ARFGEF1: variants seen among roughly 807,000 people sequenced by gnomAD.
ARFGEF1 encodes brefeldin A-inhibited guanine nucleotide-exchange protein 1.
In ARFGEF1, 42 loss-of-function variants were observed where a neutral mutation model predicts 231.0. The observed-to-expected ratio is 0.18, with a 90% CI of 0.14 to 0.24. The LOEUF is 0.24. ARFGEF1 is among the 10% of genes least tolerant of loss of function. The probability of loss-of-function intolerance (pLI) is 1.00; values close to 1 mark genes in which losing one functional copy is unlikely to be tolerated. For synonymous variants in ARFGEF1, 710 were observed against 732.3 expected, an observed-to-expected ratio of 0.97 and a Z score of 0.49; for missense variants, 1,345 against 2,192.0, an observed-to-expected ratio of 0.61 and a Z score of 7.72.
chr8:67,195,612 C>T (rs1563817842), downstream of ARFGEF1: 3 of 1,601,672 alleles, frequency 1.9e-6, no homozygotes, highest in South Asian at 2.2e-5. Context: ...TGTACTGGAC[C>T]CAGTAGTGCC....
At chr8:67,260,033 T>G in intron 14 of ARFGEF1, 107 bp from the exon 15 acceptor site, 1 of 629,656 alleles carries the variant, frequency 1.6e-6, no homozygotes, top group Non-Finnish European at 2.8e-6. Flanking sequence ...AATAGTAGCT[T>G]ATTTAATACA....
chr8:67,285,898 T>TG (rs1451953357), intron 7 of ARFGEF1, among the ~76,000 whole-genome samples: 2 of 151,998 alleles, frequency 1.3e-5, no homozygotes, highest in African/African-American at 4.8e-5. Flanking sequence ...TCATGAAAGT[T>TG]GGGGGGAAAA....
intron 1 of ARFGEF1, among the ~76,000 whole-genome samples, chr8:67,333,967 T>A (rs1201782325): frequency 1.3e-5 from 2 of 151,554 alleles, no homozygotes; most frequent in Non-Finnish European, 2.9e-5. Context: ...CAAAACCCCA[T>A]CTCTACTAAA....
chr8:67,185,083 C>T (rs1404295267), intron 5 of ARFGEF1, among the ~76,000 whole-genome samples: 42 of 148,398 alleles, frequency 2.8e-4, no homozygotes, highest in East Asian at 3.9e-4. Flanking sequence ...CCAGCCTGGG[C>T]GACAGAGCAA....
chr8:67,302,905 T>TAAAAAAAAAA (rs1563902346), intron 1 of ARFGEF1, among the ~76,000 whole-genome samples: 18 of 100,250 alleles, frequency 1.8e-4, no homozygotes, highest in African/African-American at 6.2e-4. Flanking sequence ...ACCCCATCTC[T>TAAAAAAAAAA]TAAAAAAAAA....
Position 67,177,885 on chromosome 8 carries a change from A to AAT in ARFGEF1, c.561-2315_561-2314dup, listed in dbSNP as rs555319742. Among the ~76,000 whole-genome samples, 200 of 152,296 alleles carry AAT rather than the reference A, an allele frequency of 1.3e-3. 1 individual carries two copies. The highest frequency in any genetic ancestry group is 6.8e-3 in the Middle Eastern group (2 of 294). Reference sequence around the variant, plus strand: ...TGGATAGCTTGAGAAGTGTTAGTGTAATATATATAGAAAACATATTGTAAT... The same window carrying AAT: ...TGGATAGCTTGAGAAGTGTTAGTGTAATATATATATAGAAAACATATTGTAAT... On this transcript the variant is annotated intron_variant, in intron 5 of 5. Transcript: ENST00000518789.
At chr8:67,208,137 G>A (rs767957772) in intron 34 of ARFGEF1, among the ~76,000 whole-genome samples, 1 of 152,070 alleles carries the variant, frequency 6.6e-6, no homozygotes, top group Non-Finnish European at 1.5e-5. Context: ...TCTGTTCTTT[G>A]GAGAACAGAA....
chr8:67,284,231 A>T (rs1190330511), intron 7 of ARFGEF1, among the ~76,000 whole-genome samples: 3 of 152,194 alleles, frequency 2.0e-5, no homozygotes, highest in East Asian at 3.8e-4. Flanking sequence ...ACACACATAC[A>T]TGCAGTACTC....
intron 22 of ARFGEF1, among the ~76,000 whole-genome samples, chr8:67,235,648 C>T (rs1177396021): frequency 6.6e-6 from 1 of 151,850 alleles, no homozygotes; most frequent in Non-Finnish European, 1.5e-5. Context: ...GGGCAACATA[C>T]TGAAATAGGA....
At chr8:67,328,106 G>C (rs1475737730) in intron 1 of ARFGEF1, among the ~76,000 whole-genome samples, 1 of 152,150 alleles carries the variant, frequency 6.6e-6, no homozygotes, top group Non-Finnish European at 1.5e-5. Context: ...AGAGAGGTGA[G>C]ATAAGACATT....
At chr8:67,331,962 A>G (rs938994135) in intron 1 of ARFGEF1, among the ~76,000 whole-genome samples, 1 of 152,214 alleles carries the variant, frequency 6.6e-6, no homozygotes, top group African/African-American at 2.4e-5. Flanking sequence ...TTCTGCATAT[A>G]TAACAAACAC....
chr8:67,265,971 T>G (rs781450311), intron 14 of ARFGEF1, 35 bp downstream of exon 14: 6 of 1,601,150 alleles, frequency 3.7e-6, no homozygotes, highest in Non-Finnish European at 3.4e-6. Context: ...CAGAGAGATA[T>G]TCAATAACAT....
chr8:67,210,541 C>T (rs1034222917), intron 34 of ARFGEF1, among the ~76,000 whole-genome samples: 16 of 152,122 alleles, frequency 1.1e-4, no homozygotes, highest in African/African-American at 3.6e-4. Context: ...AACGGTCCTT[C>T]ACTACTTCCC....
At position 67,198,913 on chromosome 8, in the gene ARFGEF1, A is replaced by G; in HGVS notation, c.*21T>C. ...TAAAGAGCAGAGGGATGTAAATGCC[A>G]ACAAAAATATTAAGTTCCCATCATT... On this transcript the variant is annotated 3_prime_UTR_variant, in exon 39 of 39. Transcript: ENST00000262215. 6.2e-7 allele frequency: 1 copy of G among 1,610,380 alleles called. No homozygotes were observed. Among genetic ancestry groups the G allele is most frequent in the Non-Finnish European group, 8.5e-7 (1 of 1,179,006 alleles).
In ARFGEF1 at chr8:67,204,836, C is replaced by T; in HGVS notation, c.4820-17G>A. The T allele has an allele frequency of 6.2e-7, 1 of 1,612,162 alleles. No individual in the cohort carries two copies. The highest frequency in any genetic ancestry group is 8.5e-7 in the Non-Finnish European group (1 of 1,179,670). On this transcript the variant is annotated splice_polypyrimidine_tract_variant and intron_variant, in intron 34 of 38. Transcript: ENST00000262215. The stretch of plus-strand genomic sequence containing the variant: ...CTGGAAATTCTGTGAGGAAACCCCC[C>T]CCAATGCACATGCAAACAAAAAATT...
rs577247462 is a variant in ARFGEF1 at position 67,227,141 on chromosome 8, A to G, written c.3912T>C (p.Ile1304=). The change falls in exon 27 of 39, where the codon ATT becomes ATC. Residue 1304 remains isoleucine, a synonymous_variant. Coordinates refer to ENST00000262215, the MANE Select transcript of ARFGEF1 (RefSeq NM_006421.5). ...CACAGCTAAGAGAATACTCACTGAC[A>G]ATGTGCCCGGTTGTTTGGAATGCAA... The part of the protein sequence containing the change: ...VELAFQTTGH[I]VTLVFEKHFP... The G allele has an allele frequency of 2.2e-5, 35 of 1,611,470 alleles. No homozygotes were observed. The African/African-American group carries it at 4.1e-4, about 19-fold the overall frequency.
At chr8:67,197,073 G>A (rs377229453), downstream of ARFGEF1, among the ~76,000 whole-genome samples, 2 of 152,246 alleles carry the variant, frequency 1.3e-5, no homozygotes, top group East Asian at 3.9e-4. Flanking sequence ...ATTGCAAACT[G>A]TGCTGAAGAG....
intron 6 of ARFGEF1, 72 bp from the exon 7 acceptor site, chr8:67,288,137 GA>G (rs1243907241): frequency 2.3e-6 from 2 of 885,496 alleles, no homozygotes; most frequent in Non-Finnish European, 3.3e-6. Context: ...CATTTATGAT[GA>G]AAAAACTCCT....
At chr8:67,245,237 A>C (rs994795035) in intron 19 of ARFGEF1, among the ~76,000 whole-genome samples, 8 of 150,696 alleles carry the variant, frequency 5.3e-5, no homozygotes, top group Non-Finnish European at 8.8e-5. Flanking sequence ...GAGTACTTCA[A>C]TCAGAAAAAG....
Sources: allele counts gnomAD v4.1 joint callset (sites outside exome capture counted in the v4.1 genomes callset), GRCh38; gene constraint gnomAD v4.1.1; transcripts MANE v1.5; gene names NCBI Gene and HGNC (gene_info 2026-07-23, HGNC 2026-07-21).